Variants in RAI14 observed in about 807,000 individuals in gnomAD.
RAI14 encodes retinoic acid induced 14.
RAI14 carries 45 observed loss-of-function variants against 115.4 expected under a neutral mutation model. The observed-to-expected ratio is 0.39, with a 90% CI of 0.31 to 0.50. The LOEUF (loss-of-function observed/expected upper bound fraction) is 0.50. Ranked by LOEUF, RAI14 falls within the 20% of genes least tolerant of loss-of-function variation. RAI14 has a pLI of 0.85. For missense variants in RAI14, 939 were observed against 1,131.2 expected (o/e 0.83, Z 2.44); for synonymous variants, 371 against 415.4 (o/e 0.89, Z 1.30).
chr5:34,813,295 T>C (rs1203619945), intron 10 of RAI14, among the ~76,000 whole-genome samples: 1 of 152,244 alleles, frequency 6.6e-6, no homozygotes, highest in Admixed American at 6.5e-5. Flanking sequence ...TTCTAAGTTG[T>C]AGTAGACCTC....
At chr5:34,679,728 G>A (rs537724569) in intron 1 of RAI14, among the ~76,000 whole-genome samples, 1 of 152,242 alleles carries the variant, frequency 6.6e-6, no homozygotes, top group Admixed American at 6.5e-5. Context: ...GGGCAGGTGG[G>A]AAGGAAAAAG....
chr5:34,724,455 A>ATAAATAG (rs1196624791), intron 2 of RAI14, among the ~76,000 whole-genome samples: 1 of 152,130 alleles, frequency 6.6e-6, no homozygotes, highest in African/African-American at 2.4e-5. Context: ...ATAAATTGTA[A>ATAAATAG]CCCACAAATC....
At chr5:34,700,473 T>C (rs1739930291) in intron 2 of RAI14, among the ~76,000 whole-genome samples, 1 of 152,226 alleles carries the variant, frequency 6.6e-6, no homozygotes, top group Non-Finnish European at 1.5e-5. Flanking sequence ...GGGATACTTG[T>C]CCTTGCTCTC....
In RAI14 at chr5:34,809,822, A is replaced by G. The variant is rs181554004; in HGVS notation, c.450+1168A>G. Among the ~76,000 whole-genome samples the G allele has an allele frequency of 1.2e-4, 18 of 152,266 alleles. No individual in the cohort carries two copies. In the East Asian group the frequency reaches 3.5e-3, roughly 29 times the overall value. On this transcript the variant is annotated intron_variant, in intron 7 of 17. Coordinates refer to ENST00000265109, the MANE Select transcript of RAI14 (RefSeq NM_015577.3). Reference sequence around the variant, plus strand: ...ACTACTTTCTTTCTGCACTTGGATAACTTCTACGTAGAATCTCCCAACTTT... The same window carrying G: ...ACTACTTTCTTTCTGCACTTGGATAGCTTCTACGTAGAATCTCCCAACTTT...
rs148029218 is a variant in RAI14, at chr5:34,762,512, C to T, written c.167+4914C>T. Among the ~76,000 whole-genome samples, 321 of 152,026 alleles carry T rather than the reference C, an allele frequency of 2.1e-3. 1 individual carries two copies. The highest frequency in any genetic ancestry group is 7.2e-3 in the African/African-American group (299 of 41,416). On this transcript the variant is annotated intron_variant, in intron 3 of 17. Coordinates refer to ENST00000265109, the MANE Select transcript of RAI14 (RefSeq NM_015577.3). ...ATGCATGCCAGGAAATTTTCTTCCT[C>T]TAAGACTGATCAAAGAGGGGTTAAA...
chr5:34,800,360 G>A (rs1487228204), intron 4 of RAI14, among the ~76,000 whole-genome samples: 2 of 152,168 alleles, frequency 1.3e-5, no homozygotes, highest in Non-Finnish European at 2.9e-5. Context: ...GTGGAATTCT[G>A]CTGGAAGGCA....
chr5:34,813,200 A>G (rs1370406935), intron 10 of RAI14, among the ~76,000 whole-genome samples: 2 of 152,214 alleles, frequency 1.3e-5, no homozygotes. Context: ...TAGTCTTTAA[A>G]AAAAGGAATG....
intron 1 of RAI14, among the ~76,000 whole-genome samples, chr5:34,685,241 A>G (rs2149879850): frequency 6.6e-6 from 1 of 151,788 alleles, no homozygotes; most frequent in Non-Finnish European, 1.5e-5. Context: ...AAAAAAAAAG[A>G]TAAAGTCTAT....
At chr5:34,668,504 A>G (rs1561223641) in intron 1 of RAI14, among the ~76,000 whole-genome samples, 1 of 152,170 alleles carries the variant, frequency 6.6e-6, no homozygotes. Flanking sequence ...TTCTGTCTCC[A>G]AGCACAGGCC....
intron 2 of RAI14, among the ~76,000 whole-genome samples, chr5:34,713,292 T>C (rs1250699269): frequency 6.6e-6 from 1 of 152,046 alleles, no homozygotes; most frequent in African/African-American, 2.4e-5. Context: ...AAGAAGACAA[T>C]TGTCACACCC....
At position 34,705,102 on chromosome 5, in the gene RAI14, T is replaced by C. The variant is rs551837536; in HGVS notation, c.36+18147T>C. 2.0e-5 allele frequency among the ~76,000 whole-genome samples: 3 copies of C among 152,310 alleles called. No homozygotes were observed. In the East Asian group the frequency reaches 5.8e-4, roughly 29 times the overall value. ...TGCCACCATGCCTGGCTAATTTTAT[T>C]TATTTTCATAAATTTAAATTTAAAA... On this transcript the variant is annotated intron_variant, in intron 2 of 17. Transcript: ENST00000265109.
intron 3 of RAI14, among the ~76,000 whole-genome samples, chr5:34,794,954 C>T (rs1428413003): frequency 6.6e-6 from 1 of 152,102 alleles, no homozygotes; most frequent in Non-Finnish European, 1.5e-5. Context: ...GAGAGGTATC[C>T]TGAGGGCACA....
At chr5:34,697,448 A>G (rs1341056300) in intron 2 of RAI14, among the ~76,000 whole-genome samples, 206 of 150,660 alleles carry the variant, frequency 1.4e-3, no homozygotes, top group African/African-American at 4.9e-3. Flanking sequence ...AAAAAAAAAA[A>G]GAAAAAAAAA....
At chr5:34,738,265 T>TA (rs1050652552) in intron 2 of RAI14, among the ~76,000 whole-genome samples, 3 of 151,940 alleles carry the variant, frequency 2.0e-5, no homozygotes, top group Non-Finnish European at 4.4e-5. Flanking sequence ...CTCTAAAATT[T>TA]AAAAAAACAA....
At position 34,831,862 on chromosome 5, in the gene RAI14, T is replaced by C. The variant is rs1758037300; in HGVS notation, c.*1097T>C. 1 of 152,164 alleles carries C rather than the reference T, an allele frequency of 6.6e-6. No individual in the cohort carries two copies. The highest frequency in any genetic ancestry group is 2.1e-4 in the South Asian group (1 of 4,822). The allele number at this position is 152,164 out of a possible 1,614,324, so 9.4% of individuals were successfully genotyped here. On this transcript the variant is annotated 3_prime_UTR_variant, in exon 18 of 18. Coordinates refer to ENST00000265109, the MANE Select transcript of RAI14 (RefSeq NM_015577.3). Reference sequence around the variant, plus strand: ...CAGAATTGTAGCGCATTTCTGAATCTAGCAAATCCTCCTTTTACCCGTTGA... The same window carrying C: ...CAGAATTGTAGCGCATTTCTGAATCCAGCAAATCCTCCTTTTACCCGTTGA...
chr5:34,826,732 A>C (rs1757492567), intron 16 of RAI14, among the ~76,000 whole-genome samples: 1 of 152,190 alleles, frequency 6.6e-6, no homozygotes, highest in South Asian at 2.1e-4. Flanking sequence ...CAGTAGGAGG[A>C]GGCTATGTGC....
In RAI14 at chr5:34,660,615, A is replaced by G. The variant is rs115364913; in HGVS notation, c.-49+4140A>G. On this transcript the variant is annotated intron_variant, in intron 1 of 17. Transcript: ENST00000265109. ...CATTTCTTTGGTAAGATTAAGGGGT[A>G]GGAGTAAGCATTTACAAAGGCACAT... Among the ~76,000 whole-genome samples the G allele has an allele frequency of 7.4e-3, 1,130 of 152,276 alleles. 16 individuals are homozygous for G. Among genetic ancestry groups the G allele is most frequent in the African/African-American group, 0.026 (1,096 of 41,542 alleles).
In RAI14 at chr5:34,823,442, G is replaced by A; in HGVS notation, c.1600G>A (p.Val534Met). ...ELRVTEEEIN[V>M]LKQDLQNALE... is the part of the protein sequence containing the mutation. ...GAGGGTCACGGAAGAGGAAATAAAT[G>A]TGCTAAAGCAGGATCTGCAGAATGC... is the stretch of plus-strand genomic sequence containing the variant. Residue 534 changes from valine to methionine, a missense_variant, in exon 15 of 18, where the codon GTG becomes ATG. Coordinates refer to ENST00000265109, the MANE Select transcript of RAI14 (RefSeq NM_015577.3). This position sits in a 1 kb window ranked among gnomAD's most constrained non-coding sequence, Gnocchi z 4.5. 6.2e-7 allele frequency: 1 copy of A among 1,614,180 alleles called. No individual in the cohort carries two copies. The highest frequency in any genetic ancestry group is 8.5e-7 in the Non-Finnish European group (1 of 1,180,026).
At position 34,745,037 on chromosome 5, in the gene RAI14, A is replaced by G. The variant is rs114669954; in HGVS notation, c.37-12431A>G. ...CTCTCTCCTTACAAGGACACCAATC[A>G]TTGGATTTTGGATCCAACTTAAACG... On this transcript the variant is annotated intron_variant, in intron 2 of 17. Coordinates refer to ENST00000265109, the MANE Select transcript of RAI14 (RefSeq NM_015577.3). Among the ~76,000 whole-genome samples, 749 of 152,248 alleles carry G rather than the reference A, an allele frequency of 4.9e-3. 2 individuals are homozygous for G. Among genetic ancestry groups the G allele is most frequent in the African/African-American group, 0.017 (715 of 41,540 alleles).
Sources: gnomAD v4.1 joint callset for allele counts (sites outside exome capture counted in the v4.1 genomes callset) on GRCh38, gnomAD v4.1.1 for gene constraint, Gnocchi (gnomAD v3.1) non-coding constraint, MANE v1.5 for transcripts, NCBI Gene and HGNC (gene_info 2026-07-23, HGNC 2026-07-21) for gene names.